The following CNTN5 variants were observed in gnomAD, a reference collection of about 807,000 sequenced individuals.
CNTN5 encodes contactin 5.
In CNTN5, 77 loss-of-function variants were observed where a neutral mutation model predicts 129.1. The observed-to-expected ratio is 0.60, with a 90% CI of 0.50 to 0.72. The LOEUF (loss-of-function observed/expected upper bound fraction) is 0.72, where lower values mean the gene tolerates loss of function less well. Among genes scored for constraint, CNTN5 ranks in the 30% least tolerant of loss-of-function variants. The pLI is 0.00. For synonymous variants in CNTN5, 509 were observed against 465.6 expected (o/e 1.09, Z -1.20); for missense variants, 1,478 against 1,328.8 (o/e 1.11, Z -1.75).
intron 1 of CNTN5, among the ~76,000 whole-genome samples, chr11:99,039,981 T>C (rs1863923730): frequency 6.6e-6 from 1 of 152,200 alleles, no homozygotes; most frequent in South Asian, 2.1e-4. Context: ...CAATAGATTA[T>C]TGTTTCATGC....
intron 1 of CNTN5, among the ~76,000 whole-genome samples, chr11:99,237,665 A>G (rs1378231404): frequency 2.0e-5 from 3 of 151,918 alleles, no homozygotes; most frequent in Non-Finnish European, 4.4e-5. Flanking sequence ...TGATGACAAA[A>G]CAAGACTCTG....
intron 8 of CNTN5, among the ~76,000 whole-genome samples, chr11:99,982,336 AAAAT>A (rs1054389774): frequency 5.7e-4 from 87 of 152,348 alleles, no homozygotes; most frequent in African/African-American, 2.0e-3. Context: ...ACAAGAAAGA[AAAAT>A]AAATGATAAA....
intron 3 of CNTN5, among the ~76,000 whole-genome samples, chr11:99,575,518 G>C (rs1350277002): frequency 6.6e-6 from 1 of 152,194 alleles, no homozygotes; most frequent in African/African-American, 2.4e-5. Flanking sequence ...ACAATCTTGA[G>C]AAAGGCTGAC....
intron 6 of CNTN5, among the ~76,000 whole-genome samples, chr11:99,848,128 T>C (rs1947759457): frequency 6.6e-6 from 1 of 152,158 alleles, no homozygotes; most frequent in African/African-American, 2.4e-5. Context: ...GGAGATCGCT[T>C]GAACCCGGGA....
rs79124241 is a variant in CNTN5 at position 99,970,870 on chromosome 11, T to C, written c.877+13861T>C. ...TTTATAGTCCATTACTTGCCTTCAATAGTTTTTCACTCCAAGCCTTCCTCA... is the reference window on the plus strand; with the variant it reads ...TTTATAGTCCATTACTTGCCTTCAACAGTTTTTCACTCCAAGCCTTCCTCA... On this transcript the variant is annotated intron_variant, in intron 8 of 24. Transcript: ENST00000524871. 8.2e-3 allele frequency among the ~76,000 whole-genome samples: 1,256 copies of C among 152,264 alleles called. 18 individuals carry two copies. The highest frequency in any genetic ancestry group is 0.029 in the African/African-American group (1,213 of 41,546).
chr11:99,406,630 C>G (rs1591636008), intron 2 of CNTN5, among the ~76,000 whole-genome samples: 2 of 152,318 alleles, frequency 1.3e-5, no homozygotes, highest in Admixed American at 1.3e-4. Context: ...CTATGTCCTT[C>G]CCTTTAAAAG....
chr11:100,048,056 C>T (rs1942779301), intron 9 of CNTN5, among the ~76,000 whole-genome samples: 1 of 152,004 alleles, frequency 6.6e-6, no homozygotes, highest in African/African-American at 2.4e-5. Context: ...GCATGAATCC[C>T]GAGGGCGGAG....
At chr11:99,602,783 C>T (rs912496762) in intron 3 of CNTN5, among the ~76,000 whole-genome samples, 1 of 149,480 alleles carries the variant, frequency 6.7e-6, no homozygotes, top group Admixed American at 6.7e-5. Context: ...CAAGTGGGTC[C>T]CTGACCCCTG....
In CNTN5 at chr11:99,159,169, G is replaced by A. The variant is rs544610933; in HGVS notation, c.-210+137899G>A. ...AAGATTCTCTGTTTCTTTAGTGCTG[G>A]GTTAAGTTTTAACAAATGTATATTT... On this transcript the variant is annotated intron_variant, in intron 1 of 24. Transcript: ENST00000524871. Among the ~76,000 whole-genome samples the A allele has an allele frequency of 3.3e-5, 5 of 152,124 alleles. No homozygotes were observed. In the South Asian group the frequency reaches 1.0e-3, roughly 32 times the overall value.
chr11:99,894,593 A>G (rs1565649202), intron 6 of CNTN5, among the ~76,000 whole-genome samples: 1 of 151,880 alleles, frequency 6.6e-6, no homozygotes, highest in African/African-American at 2.4e-5. Context: ...AACAAACAAA[A>G]AAACCATGAA....
At chr11:100,141,759 A>G (rs763699156) in intron 13 of CNTN5, among the ~76,000 whole-genome samples, 4 of 152,180 alleles carry the variant, frequency 2.6e-5, no homozygotes, top group Non-Finnish European at 4.4e-5. Context: ...GTTAGGTAGC[A>G]TATGTGTAAT....
chr11:99,703,108 C>T (rs936419394), intron 3 of CNTN5, among the ~76,000 whole-genome samples: 6 of 145,034 alleles, frequency 4.1e-5, no homozygotes, highest in African/African-American at 1.4e-4. Context: ...ATAACTCTTA[C>T]TTTAAAATCC....
intron 3 of CNTN5, among the ~76,000 whole-genome samples, chr11:99,688,163 T>A (rs1046617906): frequency 9.2e-5 from 14 of 152,050 alleles, no homozygotes; most frequent in African/African-American, 3.4e-4. Context: ...GGAAACAGAG[T>A]AGTCATATAG....
chr11:99,886,809 T>C (rs1948912754), intron 6 of CNTN5, among the ~76,000 whole-genome samples: 1 of 152,178 alleles, frequency 6.6e-6, no homozygotes. Context: ...TAGCATTGAG[T>C]GCAAGCAAGT....
At chr11:99,124,018 C>G (rs1309597905) in intron 1 of CNTN5, among the ~76,000 whole-genome samples, 1 of 151,918 alleles carries the variant, frequency 6.6e-6, no homozygotes, top group Non-Finnish European at 1.5e-5. Context: ...TATTTGGACT[C>G]TTTTTTGGAT....
chr11:100,207,201 G>T (rs1326231876), intron 15 of CNTN5, among the ~76,000 whole-genome samples: 1 of 152,088 alleles, frequency 6.6e-6, no homozygotes, highest in Non-Finnish European at 1.5e-5. Flanking sequence ...TTATACTGAT[G>T]AGAGAAATAA....
intron 1 of CNTN5, among the ~76,000 whole-genome samples, chr11:99,094,605 G>A (rs1274936943): frequency 6.6e-6 from 1 of 151,880 alleles, no homozygotes; most frequent in African/African-American, 2.4e-5. Flanking sequence ...AGCCATGTCA[G>A]GAAAAAAGAA....
intron 9 of CNTN5, among the ~76,000 whole-genome samples, chr11:100,044,099 T>TACAC (rs146072594): frequency 0.06 from 8,474 of 140,916 alleles, 806 homozygotes; most frequent in African/African-American, 0.21. Flanking sequence ...AGTGTATATA[T>TACAC]ACACACACAC....
At chr11:99,255,870 G>A (rs548109557) in intron 1 of CNTN5, among the ~76,000 whole-genome samples, 37 of 151,264 alleles carry the variant, frequency 2.4e-4, no homozygotes, top group Admixed American at 1.5e-3. Context: ...GTGCTCTTTC[G>A]TTTCTCCACT....
Sources: gnomAD v4.1 joint callset for allele counts (sites outside exome capture counted in the v4.1 genomes callset) on GRCh38, gnomAD v4.1.1 for gene constraint, MANE v1.5 for transcripts, NCBI Gene and HGNC (gene_info 2026-07-23, HGNC 2026-07-21) for gene names.